The following AIM2 variants were observed in gnomAD, a reference collection of about 807,000 sequenced individuals.
AIM2 encodes interferon-inducible protein AIM2.
Under a neutral mutation model 27.7 loss-of-function variants are expected in AIM2, and 30 were observed. That is an observed-to-expected ratio of 1.08 (90% CI 0.81 to 1.47). The LOEUF is 1.47. Ranked by LOEUF, AIM2 falls within the 40% of genes most tolerant of loss-of-function variation. The pLI is 0.00. For synonymous variants in AIM2, 141 were observed against 145.3 expected, an observed-to-expected ratio of 0.97 and a Z score of 0.21; for missense variants, 358 against 411.3, an observed-to-expected ratio of 0.87 and a Z score of 1.12.
intron 1 of AIM2, among the ~76,000 whole-genome samples, chr1:159,125,193 A>G (rs1378587767): frequency 6.6e-6 from 1 of 152,154 alleles, no homozygotes; most frequent in East Asian, 1.9e-4. Flanking sequence ...CCATTATGAG[A>G]GGAAATATGC....
At chr1:159,131,002 A>G (rs1044274892) in intron 1 of AIM2, among the ~76,000 whole-genome samples, 2 of 152,080 alleles carry the variant, frequency 1.3e-5, no homozygotes, top group African/African-American at 2.4e-5. Context: ...CTTCCTTCAC[A>G]GCTTAATGCC....
chr1:159,072,488 C>G (rs1006565516), intron 2 of AIM2, among the ~76,000 whole-genome samples: 2 of 152,150 alleles, frequency 1.3e-5, no homozygotes, highest in Non-Finnish European at 2.9e-5. Context: ...TGATATGCTC[C>G]TCTGTTAGCT....
chr1:159,146,207 G>A lies in AIM2; in HGVS notation n.87+803C>T, dbSNP rs146222807. Among the ~76,000 whole-genome samples the A allele has an allele frequency of 8.1e-3, 1,227 of 152,236 alleles. 13 individuals carry two copies. Among genetic ancestry groups the A allele is most frequent in the South Asian group, 0.017 (83 of 4,822 alleles). On this transcript the variant is annotated intron_variant and non_coding_transcript_variant, in intron 1 of 6. Coordinates refer to the AIM2 transcript ENST00000411768. ...GAAACTAGTAGTGTTCAACAAATGG[G>A]AGGGCAGTAGGTTGTCATGTCCCAT...
At chr1:159,075,338 C>T (rs1656554132) in intron 1 of AIM2, among the ~76,000 whole-genome samples, 1 of 151,624 alleles carries the variant, frequency 6.6e-6, no homozygotes, top group Admixed American at 6.6e-5. Flanking sequence ...GAATAAAACA[C>T]AGAATTTCTC....
chr1:159,115,542 C>T (rs1015728050), intron 1 of AIM2, among the ~76,000 whole-genome samples: 6 of 152,126 alleles, frequency 3.9e-5, no homozygotes, highest in Non-Finnish European at 7.4e-5. Context: ...TATCCACAAC[C>T]ATCTGATCTT....
upstream of AIM2, among the ~76,000 whole-genome samples, chr1:159,143,691 C>G (rs139554563): frequency 2.6e-5 from 4 of 151,914 alleles, no homozygotes; most frequent in Non-Finnish European, 5.9e-5. Flanking sequence ...TGAGTGACGT[C>G]CAAAGTATCA....
chr1:159,063,696 C>T (rs751547584), intron 4 of AIM2, 22 bp from the exon 5 acceptor site: 7 of 1,606,096 alleles, frequency 4.4e-6, no homozygotes, highest in South Asian at 1.1e-5. Flanking sequence ...AATCAACACC[C>T]AGCCTCTGAT....
At chr1:159,067,610 T>G (rs1656164513) in intron 3 of AIM2, among the ~76,000 whole-genome samples, 1 of 152,222 alleles carries the variant, frequency 6.6e-6, no homozygotes, top group Admixed American at 6.5e-5. Context: ...TATCTTTATT[T>G]GGGTCTTCCA....
At chr1:159,059,526 T>C (rs540479758), downstream of AIM2, among the ~76,000 whole-genome samples, 50 of 152,314 alleles carry the variant, frequency 3.3e-4, no homozygotes, top group Non-Finnish European at 6.2e-4. Context: ...AATTCAAATT[T>C]GACTTAATGA....
downstream of AIM2, among the ~76,000 whole-genome samples, chr1:159,060,340 C>A (rs1024295040): frequency 6.6e-6 from 1 of 151,918 alleles, no homozygotes; most frequent in East Asian, 1.9e-4. Context: ...AGTATTTATT[C>A]CAGAGAAATA....
chr1:159,144,967 C>T (rs1236890493), upstream of AIM2, among the ~76,000 whole-genome samples: 3 of 152,166 alleles, frequency 2.0e-5, no homozygotes, highest in Non-Finnish European at 4.4e-5. Flanking sequence ...ATACTTTCAT[C>T]TCCCAGGCCC....
At chr1:159,084,548 A>G (rs1027052425) in intron 1 of AIM2, among the ~76,000 whole-genome samples, 3 of 152,006 alleles carry the variant, frequency 2.0e-5, no homozygotes, top group Admixed American at 1.3e-4. Flanking sequence ...AAGGCGGGGG[A>G]ATCGCTTGAA....
At chr1:159,146,266 C>G (rs1307722496) in intron 1 of AIM2, among the ~76,000 whole-genome samples, 1 of 152,118 alleles carries the variant, frequency 6.6e-6, no homozygotes, top group Non-Finnish European at 1.5e-5. Flanking sequence ...GGAAAACTTT[C>G]TGCTTCACCC....
At chr1:159,057,045 C>T in the AIM2 span, among the ~76,000 whole-genome samples, 6 of 152,154 alleles carry the variant, frequency 3.9e-5, no homozygotes, top group Non-Finnish European at 7.4e-5. Context: ...CCCTGGTTCC[C>T]GTCTCTTCCT....
chr1:159,066,961 G>A (rs1468607573), intron 3 of AIM2, among the ~76,000 whole-genome samples: 1 of 151,676 alleles, frequency 6.6e-6, no homozygotes, highest in Non-Finnish European at 1.5e-5. Context: ...TATGCACTAA[G>A]GTTTATATTT....
At chr1:159,098,590 C>G (rs186256013) in intron 1 of AIM2, among the ~76,000 whole-genome samples, 1 of 152,150 alleles carries the variant, frequency 6.6e-6, no homozygotes, top group African/African-American at 2.4e-5. Context: ...AAAATAAGTA[C>G]ACAGGCAATG....
In AIM2 at chr1:159,075,611, TAG is replaced by T. The variant is rs368061118; in HGVS notation, c.-21+1020_-21+1021del. On this transcript the variant is annotated intron_variant, in intron 1 of 5. Coordinates refer to ENST00000368130, the MANE Select transcript of AIM2 (RefSeq NM_004833.3). ...GCTATACCTGCTATATATATATATA[TAG>T]AGAGAGAGAGAGAGAGAGAGAGCTA... 2.0e-3 allele frequency among the ~76,000 whole-genome samples: 288 copies of T among 145,716 alleles called. 5 individuals carry two copies. In the East Asian group the frequency reaches 0.038, roughly 19 times the overall value.
upstream of AIM2, among the ~76,000 whole-genome samples, chr1:159,143,434 A>G (rs557735769): frequency 5.3e-5 from 8 of 152,184 alleles, no homozygotes; most frequent in Non-Finnish European, 1.2e-4. Context: ...CTGAGTGGCT[A>G]GTAACAAGGT....
chr1:159,142,311 A>T (rs59289261), upstream of AIM2, among the ~76,000 whole-genome samples: 170 of 152,364 alleles, frequency 1.1e-3, no homozygotes, highest in African/African-American at 3.8e-3. Flanking sequence ...ATGTTCCTTC[A>T]GCATCTTCAC....
Sources: gnomAD v4.1 joint callset for allele counts (sites outside exome capture counted in the v4.1 genomes callset) on GRCh38, gnomAD v4.1.1 for gene constraint, MANE v1.5 for transcripts, NCBI Gene and HGNC (gene_info 2026-07-23, HGNC 2026-07-21) for gene names.